The following MLIP variants were observed in gnomAD, a reference collection of about 807,000 sequenced individuals.
MLIP encodes muscular LMNA-interacting protein.
Under a neutral mutation model 84.8 loss-of-function variants are expected in MLIP, and 79 were observed. That is an observed-to-expected ratio of 0.93 (90% CI 0.78 to 1.12). MLIP has a LOEUF of 1.12. MLIP is among the 50% of genes most tolerant of loss of function. The pLI is 0.00. For missense variants in MLIP, 1,257 were observed against 1,160.6 expected, an observed-to-expected ratio of 1.08 and a Z score of -1.21; for synonymous variants, 504 against 463.0, an observed-to-expected ratio of 1.09 and a Z score of -1.14.
chr6:54,212,644 TA>T (rs1447564671), intron 11 of MLIP, among the ~76,000 whole-genome samples: 2 of 152,180 alleles, frequency 1.3e-5, no homozygotes, highest in African/African-American at 4.8e-5. Flanking sequence ...TCCCCTTTCT[TA>T]AAAGTCAGTT....
chr6:54,094,329 T>G (rs1057032276), intron 1 of MLIP, among the ~76,000 whole-genome samples: 2 of 151,980 alleles, frequency 1.3e-5, no homozygotes, highest in Non-Finnish European at 2.9e-5. Flanking sequence ...TTGGCAGGTA[T>G]GGAGAAGTAT....
At chr6:54,217,970 G>C (rs969053976) in intron 11 of MLIP, 72 of 985,344 alleles carry the variant, frequency 7.3e-5, no homozygotes, top group Middle Eastern at 1.0e-3. Context: ...AGTTAGACGT[G>C]ATAGAGATGC....
chr6:54,206,939 TAAA>T (rs1367586348), intron 11 of MLIP, among the ~76,000 whole-genome samples: 1 of 152,234 alleles, frequency 6.6e-6, no homozygotes, highest in East Asian at 1.9e-4. Context: ...TCTTCTGTCA[TAAA>T]ATCATCTTTT....
At chr6:54,206,394 T>C (rs902986018) in intron 11 of MLIP, among the ~76,000 whole-genome samples, 2 of 152,188 alleles carry the variant, frequency 1.3e-5, no homozygotes, top group African/African-American at 4.8e-5. Context: ...TTGTTTCATC[T>C]GATTTTCCAA....
intron 1 of MLIP, among the ~76,000 whole-genome samples, chr6:54,026,652 G>A (rs1380819039): frequency 4.6e-5 from 7 of 152,094 alleles, no homozygotes; most frequent in Admixed American, 1.3e-4. Flanking sequence ...ATGAAAAAGC[G>A]AGTGTGTACA....
chr6:54,100,307 T>TG (rs1768548348), intron 1 of MLIP, among the ~76,000 whole-genome samples: 1 of 151,328 alleles, frequency 6.6e-6, no homozygotes, highest in East Asian at 1.9e-4. Context: ...ATAAAGTGCT[T>TG]TTTTTCTGGT....
At chr6:54,060,815 CAAAT>C (rs1765922970) in intron 1 of MLIP, among the ~76,000 whole-genome samples, 3 of 151,814 alleles carry the variant, frequency 2.0e-5, no homozygotes, top group Admixed American at 1.3e-4. Flanking sequence ...GGGAAACAGA[CAAAT>C]AGAGAAAAAA....
intron 9 of MLIP, among the ~76,000 whole-genome samples, chr6:54,177,083 T>C (rs1436240280): frequency 6.6e-6 from 1 of 152,068 alleles, no homozygotes; most frequent in African/African-American, 2.4e-5. Context: ...ATGTAAAGCC[T>C]CTAACTATAA....
intron 4 of MLIP, among the ~76,000 whole-genome samples, chr6:54,141,104 G>A (rs187999567): frequency 5.9e-5 from 9 of 152,220 alleles, no homozygotes; most frequent in Non-Finnish European, 1.5e-5. Context: ...AAATAAAATG[G>A]ATCAACCATA....
intron 11 of MLIP, among the ~76,000 whole-genome samples, chr6:54,219,380 T>C (rs1780075514): frequency 6.9e-6 from 1 of 145,252 alleles, no homozygotes; most frequent in Non-Finnish European, 1.5e-5. Flanking sequence ...CTTTTTTTTT[T>C]TTTTTTTTCT....
chr6:54,219,930 C>T (rs1004522574), intron 11 of MLIP, among the ~76,000 whole-genome samples: 11 of 152,014 alleles, frequency 7.2e-5, no homozygotes, highest in South Asian at 2.1e-4. Context: ...CTATTTTTAA[C>T]GAAAATAGCC....
At chr6:54,050,671 T>G (rs1765324134) in intron 1 of MLIP, among the ~76,000 whole-genome samples, 1 of 152,176 alleles carries the variant, frequency 6.6e-6, no homozygotes, top group Non-Finnish European at 1.5e-5. Flanking sequence ...TTTTTAATGA[T>G]GAAACATAAA....
At chr6:54,021,674 G>A (rs76315554) in intron 1 of MLIP, among the ~76,000 whole-genome samples, 4,338 of 152,224 alleles carry the variant, frequency 0.028, 208 homozygotes, top group African/African-American at 0.099. Flanking sequence ...TGAGTTTATT[G>A]CTGTTTGCTG....
chr6:54,043,441 T>C (rs1764860895), intron 1 of MLIP: 1 of 152,216 alleles, frequency 6.6e-6, no homozygotes, highest in South Asian at 2.1e-4. Flanking sequence ...ACACAGCATG[T>C]CATCTATGTA....
rs536337238 is a variant in MLIP at position 54,257,914 on chromosome 6, T to G, written c.2976+553T>G. On this transcript the variant is annotated intron_variant, in intron 13 of 13. Transcript: ENST00000502396. Reference sequence around the variant, plus strand: ...TAAATGTTTATCTAAAGTTTTGAGCTGATAAGTAAAAAGTAAATTCAAACA... The same window carrying G: ...TAAATGTTTATCTAAAGTTTTGAGCGGATAAGTAAAAAGTAAATTCAAACA... 5.2e-4 allele frequency among the ~76,000 whole-genome samples: 79 copies of G among 152,218 alleles called. No homozygotes were observed. The Middle Eastern group carries it at 0.01, about 20-fold the overall frequency.
intron 1 of MLIP, among the ~76,000 whole-genome samples, chr6:54,043,137 G>A (rs1764839853): frequency 6.6e-6 from 1 of 152,160 alleles, no homozygotes. Context: ...TAGACCCAGT[G>A]CTGCTCCCTT....
At chr6:54,019,010 T>C in exon 1 of MLIP, 1 of 1,596,556 alleles carries the variant, frequency 6.3e-7, no homozygotes, top group Non-Finnish European at 8.6e-7. Flanking sequence ...TCTTTCTCTC[T>C]TTCTCATTCT....
chr6:54,100,614 A>G (rs374754328), intron 1 of MLIP, among the ~76,000 whole-genome samples: 1 of 152,268 alleles, frequency 6.6e-6, no homozygotes, highest in South Asian at 2.1e-4. Flanking sequence ...ACTTACCACA[A>G]ACTAAAAAAT....
At chr6:54,168,128 G>A (rs963220785) in intron 8 of MLIP, among the ~76,000 whole-genome samples, 1 of 151,732 alleles carries the variant, frequency 6.6e-6, no homozygotes, top group South Asian at 2.1e-4. Context: ...GTCCTTTATG[G>A]AAAGATTACT....
Sources: allele counts gnomAD v4.1 joint callset (sites outside exome capture counted in the v4.1 genomes callset), GRCh38; gene constraint gnomAD v4.1.1; transcripts MANE v1.5; gene names NCBI Gene and HGNC (gene_info 2026-07-23, HGNC 2026-07-21).